Variants in AKAP10 observed in about 807,000 individuals in gnomAD.
AKAP10 encodes A-kinase anchor protein 10, mitochondrial.
Under a neutral mutation model 80.8 loss-of-function variants are expected in AKAP10, and 24 were observed. That is an observed-to-expected ratio of 0.30 (90% CI 0.22 to 0.42). The LOEUF is 0.42. AKAP10 is among the 10% of genes least tolerant of loss of function. The probability of loss-of-function intolerance (pLI) is 1.00; values close to 1 mark genes in which losing one functional copy is unlikely to be tolerated. For missense variants in AKAP10, 661 were observed against 794.9 expected, an observed-to-expected ratio of 0.83 and a Z score of 2.03; for synonymous variants, 291 against 277.7, an observed-to-expected ratio of 1.05 and a Z score of -0.48.
intron 12 of AKAP10, among the ~76,000 whole-genome samples, chr17:19,911,835 CAAAAAAAAAAAAAAAAA>C (rs71157844): frequency 0.032 from 1,786 of 55,148 alleles, 58 homozygotes; most frequent in African/African-American, 0.087. Context: ...AACTCTGTCA[CAAAAAAAAAAAAAAAAA>C]AAAAAAAAAA....
rs77801972 is a variant in AKAP10, at chr17:19,949,010, C to G, written c.878-1505G>C. Reference sequence around the variant, plus strand: ...AGATTCAGAATCATGTAACGTAAGTCAAACTGTCCAAGATACAATCCAAAA... The same window carrying G: ...AGATTCAGAATCATGTAACGTAAGTGAAACTGTCCAAGATACAATCCAAAA... On this transcript the variant is annotated intron_variant, in intron 4 of 14. Coordinates refer to ENST00000225737, the MANE Select transcript of AKAP10 (RefSeq NM_007202.4). 2.7e-3 allele frequency among the ~76,000 whole-genome samples: 404 copies of G among 152,236 alleles called. 15 individuals are homozygous for G. In the East Asian group the frequency reaches 0.074, roughly 28 times the overall value.
chr17:19,968,320 A>T, intron 2 of AKAP10, 94 bp downstream of exon 2: 1 of 936,610 alleles, frequency 1.1e-6, no homozygotes, highest in Non-Finnish European at 1.6e-6. Flanking sequence ...AGAAATGATT[A>T]ATGCCAAAAG....
At chr17:19,960,189 A>G (rs1232698192) in intron 3 of AKAP10, among the ~76,000 whole-genome samples, 1 of 152,224 alleles carries the variant, frequency 6.6e-6, no homozygotes, top group African/African-American at 2.4e-5. Flanking sequence ...CAGTGATACA[A>G]CACTCTAACT....
chr17:19,965,709 T>C (rs766989231), intron 2 of AKAP10, among the ~76,000 whole-genome samples: 23 of 152,216 alleles, frequency 1.5e-4, no homozygotes, highest in Non-Finnish European at 1.9e-4. Flanking sequence ...AAATCATTTG[T>C]TGATCTCAAA....
chr17:19,942,984 T>G (rs1253513754), intron 5 of AKAP10, among the ~76,000 whole-genome samples: 1 of 152,128 alleles, frequency 6.6e-6, no homozygotes, highest in Non-Finnish European at 1.5e-5. Context: ...ACTGCTGCCT[T>G]CAACTCCAGG....
chr17:19,932,681 C>T (rs972257564), intron 9 of AKAP10, among the ~76,000 whole-genome samples: 8 of 151,946 alleles, frequency 5.3e-5, no homozygotes, highest in African/African-American at 1.9e-4. Flanking sequence ...ACTCACCAGG[C>T]GTGTGATTGC....
At chr17:19,953,011 AT>A (rs1014308651) in intron 4 of AKAP10, among the ~76,000 whole-genome samples, 2 of 152,196 alleles carry the variant, frequency 1.3e-5, no homozygotes, top group South Asian at 2.1e-4. Flanking sequence ...ATTTTAAAAA[AT>A]TTTTTAATGT....
intron 10 of AKAP10, among the ~76,000 whole-genome samples, chr17:19,928,098 A>G (rs953834383): frequency 2.0e-5 from 3 of 151,684 alleles, no homozygotes; most frequent in African/African-American, 7.3e-5. Flanking sequence ...CAGGTGCCTG[A>G]AATGTAATCC....
chr17:19,931,814 A>T lies in AKAP10; in HGVS notation c.1632T>A (p.Ser544=). 1 of 1,613,204 alleles carries T rather than the reference A, an allele frequency of 6.2e-7. No homozygotes were observed. The highest frequency in any genetic ancestry group is 8.5e-7 in the Non-Finnish European group (1 of 1,179,824). The part of the protein sequence containing the change: ...DESHPGSSDS[S]ASQSSVKKAS... ...CGCAATCAGTCAATACCTGAGACGC[A>T]GAGCTGTCAGAACTCCCTGGGTGAG... Residue 544 remains serine (S), a synonymous_variant, in exon 10 of 15, where the codon TCT becomes TCA. Transcript: ENST00000225737.
chr17:19,920,416 G>C (rs181966876), intron 11 of AKAP10, among the ~76,000 whole-genome samples: 1 of 152,214 alleles, frequency 6.6e-6, no homozygotes, highest in African/African-American at 2.4e-5. Flanking sequence ...GAATAGCCAA[G>C]ACAATTTTGT....
intron 10 of AKAP10, 71 bp from the exon 11 acceptor site, chr17:19,924,588 T>A: frequency 1.0e-6 from 1 of 980,350 alleles, no homozygotes. Flanking sequence ...GACAGATTTG[T>A]ACAAAATTTT....
At chr17:19,907,256 G>C (rs1480187368) in intron 14 of AKAP10, among the ~76,000 whole-genome samples, 1 of 152,016 alleles carries the variant, frequency 6.6e-6, no homozygotes, top group Non-Finnish European at 1.5e-5. Flanking sequence ...GATCTCAGGT[G>C]ATCTGCCTGC....
chr17:19,960,728 G>A (rs1160697513), intron 3 of AKAP10, among the ~76,000 whole-genome samples: 4 of 152,134 alleles, frequency 2.6e-5, no homozygotes, highest in Admixed American at 6.6e-5. Flanking sequence ...CATGTTTCAC[G>A]TCATAAGAAA....
At chr17:19,906,775 GT>G (rs1241477584) in intron 14 of AKAP10, among the ~76,000 whole-genome samples, 1 of 152,242 alleles carries the variant, frequency 6.6e-6, no homozygotes, top group African/African-American at 2.4e-5. Flanking sequence ...CGAGTTGGAG[GT>G]TGAAGCAGAG....
At chr17:19,950,533 G>C (rs1004416055) in intron 4 of AKAP10, among the ~76,000 whole-genome samples, 12 of 152,244 alleles carry the variant, frequency 7.9e-5, no homozygotes, top group Admixed American at 7.9e-4. Context: ...CTGGTCTCCA[G>C]CTCCTGACCG....
chr17:19,948,667 T>TA (rs1189372255), intron 4 of AKAP10, among the ~76,000 whole-genome samples: 2 of 152,088 alleles, frequency 1.3e-5, no homozygotes, highest in African/African-American at 4.8e-5. Context: ...GGGAGGTTCT[T>TA]AGAAGGCAGA....
intron 6 of AKAP10, 56 bp downstream of exon 6, chr17:19,941,770 T>C: frequency 7.2e-7 from 1 of 1,384,760 alleles, no homozygotes; most frequent in Non-Finnish European, 9.7e-7. Flanking sequence ...AGCCCATTCC[T>C]AACAATGAAC....
chr17:19,911,610 G>T (rs368495080), intron 12 of AKAP10, among the ~76,000 whole-genome samples: 1 of 151,788 alleles, frequency 6.6e-6, no homozygotes, highest in African/African-American at 2.4e-5. Context: ...TGGCTGAGGC[G>T]GGAGGATCAC....
At chr17:19,956,111 C>G (rs2043272474) in intron 4 of AKAP10, among the ~76,000 whole-genome samples, 1 of 152,054 alleles carries the variant, frequency 6.6e-6, no homozygotes, top group Non-Finnish European at 1.5e-5. Flanking sequence ...CCATCTGGGA[C>G]AATACCCCAT....
Sources: gnomAD v4.1 joint callset for allele counts (sites outside exome capture counted in the v4.1 genomes callset) on GRCh38, gnomAD v4.1.1 for gene constraint, MANE v1.5 for transcripts, NCBI Gene and HGNC (gene_info 2026-07-23, HGNC 2026-07-21) for gene names.